The following MAGI2 variants were observed in gnomAD, a reference collection of about 807,000 sequenced individuals.
MAGI2 encodes the protein membrane-associated guanylate kinase, WW and PDZ domain-containing protein 2.
In MAGI2, 35 loss-of-function variants were observed where a neutral mutation model predicts 133.3. The observed-to-expected ratio is 0.26, with a 90% CI of 0.20 to 0.35. The LOEUF is 0.35. Ranked by LOEUF, MAGI2 falls within the 10% of genes least tolerant of loss-of-function variation. MAGI2 has a pLI of 1.00. For synonymous variants in MAGI2, 729 were observed against 710.6 expected, an observed-to-expected ratio of 1.03 and a Z score of -0.41; for missense variants, 1,636 against 1,863.4, an observed-to-expected ratio of 0.88 and a Z score of 2.25.
chr7:79,039,828 A>T (rs2116891347), intron 1 of MAGI2, among the ~76,000 whole-genome samples: 1 of 146,816 alleles, frequency 6.8e-6, no homozygotes, highest in Non-Finnish European at 1.5e-5. Flanking sequence ...CATATATTTC[A>T]TTGTATATAT....
intron 2 of MAGI2, among the ~76,000 whole-genome samples, chr7:78,967,268 G>A (rs371980430): frequency 1.3e-5 from 2 of 151,986 alleles, no homozygotes; most frequent in East Asian, 1.9e-4. Context: ...AGAAATGCCT[G>A]TTCAAGTCCT....
intron 1 of MAGI2, among the ~76,000 whole-genome samples, chr7:79,120,673 G>A (rs1436146015): frequency 1.3e-5 from 2 of 151,932 alleles, no homozygotes; most frequent in Non-Finnish European, 2.9e-5. Context: ...ATGAGAGAAA[G>A]GACCACTATA....
intron 3 of MAGI2, among the ~76,000 whole-genome samples, chr7:78,578,807 G>T (rs1213634467): frequency 1.3e-5 from 2 of 152,142 alleles, no homozygotes; most frequent in East Asian, 3.9e-4. Flanking sequence ...GGAGGCCAGG[G>T]CATTATCCCT....
intron 7 of MAGI2, among the ~76,000 whole-genome samples, chr7:78,368,666 C>A (rs1793622901): frequency 2.0e-5 from 3 of 151,852 alleles, no homozygotes; most frequent in Admixed American, 2.0e-4. Context: ...AATGTAACCT[C>A]CAATAGGTAA....
chr7:78,607,371 C>T (rs574543333), intron 3 of MAGI2, among the ~76,000 whole-genome samples: 3 of 151,186 alleles, frequency 2.0e-5, no homozygotes, highest in Admixed American at 6.6e-5. Flanking sequence ...TGGCTATGGT[C>T]TAGTGGTAGG....
rs111652770 is a variant in MAGI2 at position 78,536,821 on chromosome 7, C to T, written c.539-15176G>A. ...TGTCGCCCAGGCTGGAGTGCGGTGG[C>T]GCGATCTTGGCTTGCTGGGAATAGG... On this transcript the variant is annotated intron_variant, in intron 3 of 21. Transcript: ENST00000354212. 6.1e-3 allele frequency among the ~76,000 whole-genome samples: 895 copies of T among 146,196 alleles called. 6 individuals are homozygous for T. Among genetic ancestry groups the T allele is most frequent in the African/African-American group, 0.021 (836 of 39,668 alleles).
At chr7:78,862,352 A>C (rs954414672) in intron 2 of MAGI2, among the ~76,000 whole-genome samples, 1 of 152,220 alleles carries the variant, frequency 6.6e-6, no homozygotes, top group African/African-American at 2.4e-5. Context: ...GCGAATAAAA[A>C]TGAAAACGTA....
At chr7:78,263,024 T>G (rs1793662344) in intron 9 of MAGI2, among the ~76,000 whole-genome samples, 1 of 152,158 alleles carries the variant, frequency 6.6e-6, no homozygotes, top group South Asian at 2.1e-4. Context: ...GTTGCCATCT[T>G]TATGTCCATG....
chr7:79,214,255 T>A (rs983480780), intron 1 of MAGI2, among the ~76,000 whole-genome samples: 2 of 150,808 alleles, frequency 1.3e-5, no homozygotes, highest in Non-Finnish European at 2.9e-5. Context: ...TTTTATTACA[T>A]GACATGAACA....
chr7:78,639,331 T>G (rs77379915), intron 2 of MAGI2, among the ~76,000 whole-genome samples: 6,966 of 151,562 alleles, frequency 0.046, 224 homozygotes, highest in East Asian at 0.082. Flanking sequence ...AAATCACATG[T>G]CTGAGTGATC....
chr7:78,654,854 C>G (rs1811998425), intron 2 of MAGI2, among the ~76,000 whole-genome samples: 1 of 150,486 alleles, frequency 6.6e-6, no homozygotes. Flanking sequence ...TGTCAGAATT[C>G]CTATACAGGG....
intron 20 of MAGI2, among the ~76,000 whole-genome samples, chr7:78,093,270 C>T (rs1222692092): frequency 4.0e-5 from 6 of 150,834 alleles, no homozygotes; most frequent in African/African-American, 7.3e-5. Flanking sequence ...CTAGCCTGGC[C>T]AATATGTTGA....
chr7:78,700,881 G>A (rs184924504), intron 2 of MAGI2, among the ~76,000 whole-genome samples: 13 of 151,022 alleles, frequency 8.6e-5, no homozygotes, highest in African/African-American at 3.2e-4. Context: ...TTTTACTTAA[G>A]CAAATGGAAA....
At chr7:78,748,435 G>A (rs1051117355) in intron 2 of MAGI2, among the ~76,000 whole-genome samples, 4 of 152,148 alleles carry the variant, frequency 2.6e-5, no homozygotes, top group Non-Finnish European at 2.9e-5. Context: ...TCTTATGAGC[G>A]CAGTCCTATT....
At chr7:79,165,066 C>T (rs1311780158) in intron 1 of MAGI2, among the ~76,000 whole-genome samples, 1 of 151,948 alleles carries the variant, frequency 6.6e-6, no homozygotes, top group Non-Finnish European at 1.5e-5. Flanking sequence ...AACTCAGAGT[C>T]TTATTTTTAA....
chr7:79,438,274 A>C (rs1848277090), intron 1 of MAGI2, among the ~76,000 whole-genome samples: 1 of 152,146 alleles, frequency 6.6e-6, no homozygotes, highest in Admixed American at 6.6e-5. Flanking sequence ...GTGTTCTTTA[A>C]TACCAACTGG....
chr7:79,272,091 C>A (rs533590662), intron 1 of MAGI2, among the ~76,000 whole-genome samples: 7 of 152,146 alleles, frequency 4.6e-5, no homozygotes, highest in East Asian at 1.9e-4. Flanking sequence ...TTAAAGTTAG[C>A]AAATACTTAC....
intron 2 of MAGI2, among the ~76,000 whole-genome samples, chr7:78,629,576 C>A (rs1295565181): frequency 6.6e-6 from 1 of 152,132 alleles, no homozygotes; most frequent in Non-Finnish European, 1.5e-5. Flanking sequence ...AATTAACCCC[C>A]ATGTTCACTG....
chr7:79,451,026 C>T (rs935929510), intron 1 of MAGI2, among the ~76,000 whole-genome samples: 6 of 152,204 alleles, frequency 3.9e-5, no homozygotes, highest in Non-Finnish European at 7.3e-5. Flanking sequence ...CATTCTTTCA[C>T]TTCTCCACGT....
Sources: allele counts gnomAD v4.1 joint callset (sites outside exome capture counted in the v4.1 genomes callset), GRCh38; gene constraint gnomAD v4.1.1; transcripts MANE v1.5; gene names NCBI Gene and HGNC (gene_info 2026-07-23, HGNC 2026-07-21).